Variants in ANO3 observed in about 807,000 individuals in gnomAD.
ANO3 encodes anoctamin-3.
ANO3 carries 99 observed loss-of-function variants against 144.8 expected under a neutral mutation model. The observed-to-expected ratio is 0.68, with a 90% CI of 0.58 to 0.81. ANO3 has a LOEUF of 0.81. Among genes scored for constraint, ANO3 ranks in the 30% least tolerant of loss-of-function variants. The pLI is 0.00. For synonymous variants in ANO3, 414 were observed against 392.6 expected (o/e 1.05, Z -0.64); for missense variants, 905 against 1,202.2 (o/e 0.75, Z 3.66).
intron 6 of ANO3, among the ~76,000 whole-genome samples, chr11:26,522,141 G>A (rs1019989290): frequency 4.6e-5 from 7 of 151,944 alleles, no homozygotes; most frequent in Admixed American, 4.6e-4. Flanking sequence ...CCGAGATCGC[G>A]CCACTGCACT....
chr11:26,291,772 A>G (rs1038061846), intron 1 of ANO3, among the ~76,000 whole-genome samples: 1 of 152,144 alleles, frequency 6.6e-6, no homozygotes, highest in Non-Finnish European at 1.5e-5. Context: ...TTCTGCTGAG[A>G]GATCTGCTGT....
chr11:26,385,893 G>GTGTGTATATA (rs1183332896), intron 1 of ANO3, among the ~76,000 whole-genome samples: 2 of 143,694 alleles, frequency 1.4e-5, no homozygotes, highest in African/African-American at 5.4e-5. Context: ...CTTTGTGTGT[G>GTGTGTATATA]TATATATATT....
chr11:26,349,258 T>C (rs1855572925), intron 1 of ANO3, among the ~76,000 whole-genome samples: 1 of 152,222 alleles, frequency 6.6e-6, no homozygotes, highest in Admixed American at 6.5e-5. Flanking sequence ...AACATTCAAA[T>C]GTAAAATCTA....
At chr11:26,566,930 A>T in intron 14 of ANO3, 1 of 863,492 alleles carries the variant, frequency 1.2e-6, no homozygotes, top group Non-Finnish European at 1.6e-6. Context: ...ACTCTAAACA[A>T]GATCTAGCCT....
Position 26,195,413 on chromosome 11 carries a change from G to A in ANO3, c.154+6083G>A, listed in dbSNP as rs146844620. Among the ~76,000 whole-genome samples the A allele has an allele frequency of 9.7e-4, 148 of 152,184 alleles. 1 individual carries two copies. The highest frequency in any genetic ancestry group is 3.4e-3 in the African/African-American group (143 of 41,530). On this transcript the variant is annotated intron_variant, in intron 1 of 27. Coordinates refer to the ANO3 transcript ENST00000672621. The stretch of plus-strand genomic sequence containing the variant: ...AATTTCTCTATTTTGTTCCCAGTCC[G>A]GACAAAAAGGAGCCAGAAAAAAAGA...
At chr11:26,505,037 A>AG (rs1468516826) in intron 4 of ANO3, among the ~76,000 whole-genome samples, 108 of 124,378 alleles carry the variant, frequency 8.7e-4, no homozygotes, top group African/African-American at 2.7e-3. Flanking sequence ...AAAAAAAAAA[A>AG]AAGAAGAGAA....
intron 13 of ANO3, among the ~76,000 whole-genome samples, chr11:26,558,585 A>G (rs1451649624): frequency 6.6e-6 from 1 of 152,118 alleles, no homozygotes; most frequent in African/African-American, 2.4e-5. Flanking sequence ...GCCTTAACCA[A>G]CAATGAATTT....
intron 1 of ANO3, among the ~76,000 whole-genome samples, chr11:26,441,169 G>C (rs1407590878): frequency 1.5e-5 from 2 of 137,862 alleles, no homozygotes; most frequent in Non-Finnish European, 3.1e-5. Flanking sequence ...CCAGGCTGGA[G>C]TGCAGTGGCG....
chr11:26,636,154 C>T (rs1215484113), intron 20 of ANO3, among the ~76,000 whole-genome samples: 1 of 152,116 alleles, frequency 6.6e-6, no homozygotes, highest in African/African-American at 2.4e-5. Flanking sequence ...GAGCCATGAT[C>T]GTACCACTGC....
At chr11:26,572,335 G>A (rs1009952232) in intron 14 of ANO3, 54 of 750,074 alleles carry the variant, frequency 7.2e-5, no homozygotes, top group Non-Finnish European at 8.1e-5. Context: ...TAGGTTGATC[G>A]TTTTAGCTTT....
intron 1 of ANO3, among the ~76,000 whole-genome samples, chr11:26,386,784 C>T (rs575158920): frequency 5.9e-5 from 9 of 152,106 alleles, no homozygotes; most frequent in Non-Finnish European, 1.2e-4. Context: ...CAACTAAATA[C>T]ATATTCCTGG....
intron 1 of ANO3, among the ~76,000 whole-genome samples, chr11:26,386,962 T>C (rs1490984706): frequency 6.6e-6 from 1 of 152,008 alleles, no homozygotes; most frequent in Non-Finnish European, 1.5e-5. Flanking sequence ...TTGTATTTTG[T>C]TTCTGGGGAG....
intron 17 of ANO3, among the ~76,000 whole-genome samples, chr11:26,600,273 C>CCTCTT: frequency 9.8e-6 from 1 of 101,900 alleles, no homozygotes. Context: ...CCTCTCCTCT[C>CCTCTT]CCCTCCCCTT....
At chr11:26,297,600 G>C (rs1465332680) in intron 1 of ANO3, among the ~76,000 whole-genome samples, 1 of 152,102 alleles carries the variant, frequency 6.6e-6, no homozygotes, top group Non-Finnish European at 1.5e-5. Flanking sequence ...CAAAATAAAA[G>C]ACTGGTCATT....
At chr11:26,523,772 GT>G (rs1338478822) in intron 6 of ANO3, among the ~76,000 whole-genome samples, 3 of 152,096 alleles carry the variant, frequency 2.0e-5, no homozygotes, top group Admixed American at 1.3e-4. Flanking sequence ...TTTTCTCAAA[GT>G]TTTTTAATTG....
intron 9 of ANO3, among the ~76,000 whole-genome samples, chr11:26,534,993 A>C (rs60761101): frequency 0.71 from 107,062 of 151,808 alleles, 38,116 homozygotes; most frequent in East Asian, 0.84. Flanking sequence ...TGTTTCATTT[A>C]TTTACTCTTA....
At chr11:26,265,559 T>C (rs934387256) in intron 1 of ANO3, among the ~76,000 whole-genome samples, 1 of 152,186 alleles carries the variant, frequency 6.6e-6, no homozygotes, top group Non-Finnish European at 1.5e-5. Flanking sequence ...TTACTGAAAC[T>C]GTTTAATGAA....
At chr11:26,541,510 C>T (rs1849643653) in intron 10 of ANO3, among the ~76,000 whole-genome samples, 1 of 152,004 alleles carries the variant, frequency 6.6e-6, no homozygotes, top group Admixed American at 6.6e-5. Context: ...TTTGAATGAA[C>T]ACTTACTCTC....
intron 1 of ANO3, among the ~76,000 whole-genome samples, chr11:26,221,896 A>G (rs2133792965): frequency 6.6e-6 from 1 of 152,302 alleles, no homozygotes; most frequent in Non-Finnish European, 1.5e-5. Flanking sequence ...ACCTCCCACA[A>G]GGCCCGCCTC....
Sources: gnomAD v4.1 joint callset for allele counts (sites outside exome capture counted in the v4.1 genomes callset) on GRCh38, gnomAD v4.1.1 for gene constraint, MANE v1.5 for transcripts, NCBI Gene and HGNC (gene_info 2026-07-23, HGNC 2026-07-21) for gene names.